ZBTB20: variants seen among roughly 807,000 people sequenced by gnomAD.
ZBTB20 encodes the protein zinc finger and BTB domain containing 20, also known as zinc finger and BTB domain-containing protein 20.
A neutral mutation model predicts 56.9 loss-of-function variants in ZBTB20; 9 were observed. The ratio of observed to expected loss-of-function variants is 0.16; its 90% CI spans 0.10 to 0.28. The LOEUF (loss-of-function observed/expected upper bound fraction) is 0.28. ZBTB20 is among the 10% of genes least tolerant of loss of function. ZBTB20 has a pLI of 1.00. For missense variants in ZBTB20, 655 were observed against 1,003.0 expected, an observed-to-expected ratio of 0.65 and a Z score of 4.69; for synonymous variants, 417 against 420.7, an observed-to-expected ratio of 0.99 and a Z score of 0.11.
intron 5 of ZBTB20, among the ~76,000 whole-genome samples, chr3:114,790,991 C>T (rs985270290): frequency 6.6e-6 from 1 of 152,094 alleles, no homozygotes; most frequent in African/African-American, 2.4e-5. Flanking sequence ...GGACCTTACT[C>T]TTGAGACCTC....
At chr3:115,047,862 C>T (rs1461078448) in intron 2 of ZBTB20, among the ~76,000 whole-genome samples, 6 of 152,096 alleles carry the variant, frequency 3.9e-5, no homozygotes, top group Non-Finnish European at 7.4e-5. Context: ...GTGACAGTTC[C>T]TCAGTCCCAG....
intron 10 of ZBTB20, among the ~76,000 whole-genome samples, chr3:114,359,717 AT>A (rs1252580277): frequency 1.3e-5 from 2 of 152,250 alleles, no homozygotes; most frequent in East Asian, 3.8e-4. Context: ...ATCTACTTAA[AT>A]TCACAAATTT....
intron 2 of ZBTB20, among the ~76,000 whole-genome samples, chr3:115,053,890 T>C (rs2081649751): frequency 6.6e-6 from 1 of 152,150 alleles, no homozygotes. Flanking sequence ...AAGTTTTTAC[T>C]GGGTTTAGTC....
chr3:115,005,702 T>C (rs1389731026), intron 2 of ZBTB20, among the ~76,000 whole-genome samples: 1 of 151,812 alleles, frequency 6.6e-6, no homozygotes. Flanking sequence ...TCTCTCTACC[T>C]CTACTGCTGC....
chr3:115,079,337 AT>A (rs1332992707), intron 1 of ZBTB20, among the ~76,000 whole-genome samples: 3 of 152,114 alleles, frequency 2.0e-5, no homozygotes, highest in Non-Finnish European at 4.4e-5. Flanking sequence ...TAGCTACAAA[AT>A]ATCATAATCT....
intron 1 of ZBTB20, among the ~76,000 whole-genome samples, chr3:115,110,629 C>A (rs1418414503): frequency 6.6e-6 from 1 of 152,114 alleles, no homozygotes; most frequent in Non-Finnish European, 1.5e-5. Context: ...TTGGGTATTT[C>A]AAAATTGTCA....
intron 2 of ZBTB20, among the ~76,000 whole-genome samples, chr3:115,061,714 G>A (rs2082016866): frequency 6.6e-6 from 1 of 151,818 alleles, no homozygotes; most frequent in Non-Finnish European, 1.5e-5. Flanking sequence ...GAGTGTTCTT[G>A]TACACACACA....
chr3:114,816,355 T>G (rs2072917924), intron 4 of ZBTB20, among the ~76,000 whole-genome samples: 1 of 152,036 alleles, frequency 6.6e-6, no homozygotes, highest in South Asian at 2.1e-4. Context: ...CAGAATTAGG[T>G]TAAGGAGAAA....
chr3:114,536,853 A>C (rs2048524897), intron 6 of ZBTB20, among the ~76,000 whole-genome samples: 1 of 152,152 alleles, frequency 6.6e-6, no homozygotes, highest in Admixed American at 6.5e-5. Flanking sequence ...CAACCATCTG[A>C]TCTTTGACAA....
chr3:114,828,286 AT>A (rs1162075690), intron 4 of ZBTB20, among the ~76,000 whole-genome samples: 1 of 151,710 alleles, frequency 6.6e-6, no homozygotes, highest in African/African-American at 2.4e-5. Context: ...GCACATACAT[AT>A]TTTTATAACA....
chr3:114,964,319 G>A (rs1007099301), intron 3 of ZBTB20, among the ~76,000 whole-genome samples: 11 of 152,094 alleles, frequency 7.2e-5, no homozygotes, highest in African/African-American at 2.7e-4. Flanking sequence ...GGAACCTGAG[G>A]CATGAGAAAT....
intron 6 of ZBTB20, among the ~76,000 whole-genome samples, chr3:114,660,742 C>T (rs1421482984): frequency 6.6e-6 from 1 of 152,000 alleles, no homozygotes; most frequent in Non-Finnish European, 1.5e-5. Context: ...AAATTAAAAC[C>T]TGAATCATTT....
At chr3:114,854,430 T>C (rs1313317955) in intron 4 of ZBTB20, among the ~76,000 whole-genome samples, 1 of 152,220 alleles carries the variant, frequency 6.6e-6, no homozygotes, top group African/African-American at 2.4e-5. Flanking sequence ...TTGCCATCAG[T>C]GAGTCTGCCT....
chr3:114,868,367 T>C (rs925560351), intron 4 of ZBTB20, among the ~76,000 whole-genome samples: 3 of 152,166 alleles, frequency 2.0e-5, no homozygotes, highest in Non-Finnish European at 4.4e-5. Flanking sequence ...TCTGTACTCT[T>C]AGTCTGCCTT....
intron 4 of ZBTB20, among the ~76,000 whole-genome samples, chr3:114,811,014 A>G (rs535043444): frequency 3.7e-4 from 56 of 152,314 alleles, no homozygotes; most frequent in Admixed American, 8.5e-4. Context: ...CACTCTATAG[A>G]GTTTGGAGAA....
Position 114,314,506 on chromosome 3 carries a change from T to A in ZBTB20, c.*24499A>T, listed in dbSNP as rs1031533578. 1 of 134,626 alleles carries A rather than the reference T, an allele frequency of 7.4e-6. No homozygotes were observed. Among genetic ancestry groups the A allele is most frequent in the Admixed American group, 7.2e-5 (1 of 13,860 alleles). 8.3% of individuals were successfully genotyped at this position (134,626 alleles called of 1,614,324 possible). Reference sequence around the variant, plus strand: ...ACACAATAGGAAACCAAGAGAAGAGTTTTTTTTTTTTTAATTATTCCTTCA... The same window carrying A: ...ACACAATAGGAAACCAAGAGAAGAGATTTTTTTTTTTTAATTATTCCTTCA... On this transcript the variant is annotated 3_prime_UTR_variant, in exon 12 of 12. Coordinates refer to ENST00000675478, the MANE Select transcript of ZBTB20 (RefSeq NM_001348800.3).
intron 6 of ZBTB20, among the ~76,000 whole-genome samples, chr3:114,583,142 T>C (rs1016599313): frequency 2.0e-5 from 3 of 152,204 alleles, no homozygotes; most frequent in Non-Finnish European, 2.9e-5. Flanking sequence ...TTTTCAATGC[T>C]GCATTTCAAG....
Position 114,316,327 on chromosome 3 carries a change from CA to C in ZBTB20, c.*22677del. ...CATACAGAAATGACCAAAGTCACTGCAAGTAGCTGTTTTTATTTTTTGTGAT... is the reference window on the plus strand; with the variant it reads ...CATACAGAAATGACCAAAGTCACTGCAGTAGCTGTTTTTATTTTTTGTGAT... On this transcript the variant is annotated 3_prime_UTR_variant, in exon 12 of 12. Coordinates refer to ENST00000675478, the MANE Select transcript of ZBTB20 (RefSeq NM_001348800.3). 2.5e-6 allele frequency: 1 copy of C among 398,828 alleles called. No homozygotes were observed. The highest frequency in any genetic ancestry group is 1.9e-5 in the South Asian group (1 of 52,064). 24.7% of individuals were successfully genotyped at this position (398,828 alleles called of 1,614,324 possible).
chr3:115,079,596 C>A (rs2082723355), intron 1 of ZBTB20, among the ~76,000 whole-genome samples: 1 of 152,022 alleles, frequency 6.6e-6, no homozygotes, highest in South Asian at 2.1e-4. Flanking sequence ...ACCATGTTGT[C>A]CAGTCCAGGC....
Sources: allele counts gnomAD v4.1 joint callset (sites outside exome capture counted in the v4.1 genomes callset), GRCh38; gene constraint gnomAD v4.1.1; transcripts MANE v1.5; gene names NCBI Gene and HGNC (gene_info 2026-07-23, HGNC 2026-07-21).